Variants in PCDH15 observed in about 807,000 individuals in gnomAD.
PCDH15 encodes the protein protocadherin-15.
A neutral mutation model predicts 178.5 loss-of-function variants in PCDH15; 129 were observed. The ratio of observed to expected loss-of-function variants is 0.72; its 90% CI spans 0.63 to 0.84. The LOEUF (loss-of-function observed/expected upper bound fraction) is 0.84, where lower values mean the gene tolerates loss of function less well. PCDH15 is among the 40% of genes least tolerant of loss of function. The probability of loss-of-function intolerance (pLI) is 0.00; values close to 1 mark genes in which losing one functional copy is unlikely to be tolerated. For synonymous variants in PCDH15, 800 were observed against 732.0 expected (o/e 1.09, Z -1.50); for missense variants, 2,230 against 2,099.9 (o/e 1.06, Z -1.21).
chr10:55,351,003 T>TC (rs1160991651), intron 2 of PCDH15, among the ~76,000 whole-genome samples: 1 of 85,144 alleles, frequency 1.2e-5, no homozygotes, highest in African/African-American at 4.9e-5. Flanking sequence ...CCCTGTCTCC[T>TC]CCCCCTCCCT....
At chr10:54,777,270 C>T (rs1156590468) in intron 1 of PCDH15, among the ~76,000 whole-genome samples, 1 of 152,204 alleles carries the variant, frequency 6.6e-6, no homozygotes, top group Non-Finnish European at 1.5e-5. Context: ...TCATCGAGCG[C>T]TGGCTGCTCA....
At chr10:54,988,777 A>G (rs971431530) in intron 2 of PCDH15, among the ~76,000 whole-genome samples, 19 of 152,182 alleles carry the variant, frequency 1.2e-4, no homozygotes, top group African/African-American at 3.9e-4. Context: ...TGACAATGTG[A>G]TAGGACAGAA....
intron 3 of PCDH15, among the ~76,000 whole-genome samples, chr10:54,415,954 T>C (rs1441252515): frequency 1.3e-5 from 2 of 152,002 alleles, no homozygotes; most frequent in Non-Finnish European, 2.9e-5. Context: ...TATAATATTT[T>C]TTAAAAAATC....
At chr10:53,816,713 GAGC>G (rs2076071941) in intron 34 of PCDH15, among the ~76,000 whole-genome samples, 1 of 152,112 alleles carries the variant, frequency 6.6e-6, no homozygotes, top group Non-Finnish European at 1.5e-5. Flanking sequence ...TTGGGAAGAA[GAGC>G]AGAACACACA....
rs144154983 is a variant in PCDH15 at position 55,319,243 on chromosome 10, C to A, written c.-156+356G>T. Among the ~76,000 whole-genome samples the A allele has an allele frequency of 4.6e-5, 7 of 152,142 alleles. No homozygotes were observed. In the East Asian group the frequency reaches 1.4e-3, roughly 29 times the overall value. On this transcript the variant is annotated intron_variant, in intron 1 of 5. Transcript: ENST00000458638. ...AGAAGAAAATAACACATATACAAACCAGACTTCAAGAGAATTTGGGTACTG... is the reference window on the plus strand; with the variant it reads ...AGAAGAAAATAACACATATACAAACAAGACTTCAAGAGAATTTGGGTACTG...
Position 55,050,344 on chromosome 10 carries a change from TAAC to T in PCDH15, c.-80+116229_-80+116231del, listed in dbSNP as rs371547469. 7.7e-3 allele frequency among the ~76,000 whole-genome samples: 1,168 copies of T among 152,096 alleles called. 15 individuals carry two copies. Among genetic ancestry groups the T allele is most frequent in the African/African-American group, 0.026 (1,069 of 41,564 alleles). On this transcript the variant is annotated intron_variant, in intron 2 of 5. Transcript: ENST00000458638. ...TATCTAATTAGATGTTTTAATATAA[TAAC>T]AAAGTACCTTGTACATTAAATGTCC...
At chr10:54,383,142 A>C (rs1483692460) in intron 3 of PCDH15, among the ~76,000 whole-genome samples, 4 of 152,100 alleles carry the variant, frequency 2.6e-5, no homozygotes, top group Non-Finnish European at 5.9e-5. Context: ...TTTTTCATTA[A>C]ATTGGGAACA....
At chr10:54,089,354 C>T (rs1006347771) in intron 16 of PCDH15, among the ~76,000 whole-genome samples, 4 of 152,182 alleles carry the variant, frequency 2.6e-5, no homozygotes, top group African/African-American at 7.2e-5. Flanking sequence ...TAGAAACCAG[C>T]CACATGTGAC....
intron 2 of PCDH15, among the ~76,000 whole-genome samples, chr10:55,038,331 ATATT>A (rs1840785576): frequency 6.6e-6 from 1 of 152,218 alleles, no homozygotes; most frequent in Non-Finnish European, 1.5e-5. Flanking sequence ...TTCATAATAG[ATATT>A]TAAAGTACAC....
intron 26 of PCDH15, among the ~76,000 whole-genome samples, chr10:53,868,499 G>A (rs971022467): frequency 2.6e-5 from 4 of 152,036 alleles, no homozygotes; most frequent in Non-Finnish European, 1.5e-5. Context: ...TTATGCAGTA[G>A]GTACTAGCCA....
intron 20 of PCDH15, among the ~76,000 whole-genome samples, chr10:54,001,665 A>G (rs2092141860): frequency 6.6e-6 from 1 of 152,144 alleles, no homozygotes; most frequent in Non-Finnish European, 1.5e-5. Context: ...AAAGAAGACA[A>G]ACCATAAGAC....
intron 15 of PCDH15, among the ~76,000 whole-genome samples, chr10:54,132,213 T>C (rs1590685871): frequency 1.3e-5 from 2 of 152,192 alleles, no homozygotes; most frequent in Non-Finnish European, 2.9e-5. Context: ...AACTTGAAGC[T>C]GCATATTCAG....
chr10:54,687,541 T>C (rs1384775368), intron 1 of PCDH15, among the ~76,000 whole-genome samples: 1 of 152,132 alleles, frequency 6.6e-6, no homozygotes, highest in Admixed American at 6.6e-5. Context: ...AGGTCTAACC[T>C]TGGGCTTCTC....
chr10:55,224,195 G>A (rs1329071255), intron 1 of PCDH15, among the ~76,000 whole-genome samples: 7 of 151,794 alleles, frequency 4.6e-5, no homozygotes, highest in Non-Finnish European at 1.0e-4. Flanking sequence ...GTGAGAGCTT[G>A]TCTCAAACAG....
rs2133083871 is a variant in PCDH15 at position 54,757,077 on chromosome 10, G to A, written c.-29+43848C>T. Among the ~76,000 whole-genome samples, 4 of 152,218 alleles carry A rather than the reference G, an allele frequency of 2.6e-5. 1 individual carries two copies. The South Asian group carries it at 8.3e-4, about 32-fold the overall frequency. ...GTCTTTTGATAGCATGAGATATAAAGGAGAAATATAAAAATTTGCTTTATG... is the reference window on the plus strand; with the variant it reads ...GTCTTTTGATAGCATGAGATATAAAAGAGAAATATAAAAATTTGCTTTATG... On this transcript the variant is annotated intron_variant, in intron 1 of 37. Coordinates refer to ENST00000644397, the MANE Select transcript of PCDH15 (RefSeq NM_001384140.1).
intron 26 of PCDH15, among the ~76,000 whole-genome samples, chr10:53,884,669 G>A (rs1030632358): frequency 1.3e-5 from 2 of 151,420 alleles, no homozygotes; most frequent in Non-Finnish European, 2.9e-5. Context: ...GTAGGAATTA[G>A]ATTAAGACAA....
intron 2 of PCDH15, among the ~76,000 whole-genome samples, chr10:55,153,029 T>G (rs189404619): frequency 1.3e-5 from 2 of 152,244 alleles, no homozygotes. Flanking sequence ...CAAGTAATTT[T>G]TTAAAGATAC....
At chr10:53,961,276 A>T (rs2088280481) in intron 22 of PCDH15, among the ~76,000 whole-genome samples, 1 of 152,112 alleles carries the variant, frequency 6.6e-6, no homozygotes, top group African/African-American at 2.4e-5. Context: ...TGATATTCAT[A>T]CAAGTAGTTG....
chr10:53,930,497 C>T (rs907231567), intron 25 of PCDH15, among the ~76,000 whole-genome samples: 1 of 148,078 alleles, frequency 6.8e-6, no homozygotes, highest in Non-Finnish European at 1.5e-5. Flanking sequence ...GAAATAGCAA[C>T]GCATTCACAT....
Sources: gnomAD v4.1 joint callset for allele counts (sites outside exome capture counted in the v4.1 genomes callset) on GRCh38, gnomAD v4.1.1 for gene constraint, MANE v1.5 for transcripts, NCBI Gene and HGNC (gene_info 2026-07-23, HGNC 2026-07-21) for gene names.